TRMT11: variants seen among roughly 807,000 people sequenced by gnomAD.
TRMT11 encodes tRNA (guanine(10)-N(2))-methyltransferase TRMT11.
A neutral mutation model predicts 62.8 loss-of-function variants in TRMT11; 53 were observed. The ratio of observed to expected loss-of-function variants is 0.84; its 90% CI spans 0.68 to 1.06. TRMT11 has a LOEUF of 1.06. TRMT11 is among the 50% of genes least tolerant of loss of function. The probability of loss-of-function intolerance (pLI) is 0.00; values close to 1 mark genes in which losing one functional copy is unlikely to be tolerated. For missense variants in TRMT11, 556 were observed against 553.4 expected (o/e 1.00, Z -0.05); for synonymous variants, 188 against 190.3 (o/e 0.99, Z 0.10).
chr6:126,008,898 A>C (rs1252618859), intron 8 of TRMT11, among the ~76,000 whole-genome samples: 2 of 151,942 alleles, frequency 1.3e-5, no homozygotes, highest in Non-Finnish European at 2.9e-5. Context: ...CTTCAAATAC[A>C]AAATTGTGAT....
the TRMT11 span, among the ~76,000 whole-genome samples, chr6:126,237,644 G>A: frequency 2.6e-5 from 4 of 152,122 alleles, no homozygotes; most frequent in East Asian, 7.7e-4. Flanking sequence ...TCATGGCACA[G>A]CACTCCAGCC....
intron 17 of TRMT11, among the ~76,000 whole-genome samples, chr6:126,054,679 A>G (rs1275544349): frequency 6.6e-6 from 1 of 152,266 alleles, no homozygotes; most frequent in East Asian, 1.9e-4. Flanking sequence ...CCGCTCCAAG[A>G]CAAATGAGCT....
chr6:126,254,796 C>T, the TRMT11 span, among the ~76,000 whole-genome samples: 1 of 152,064 alleles, frequency 6.6e-6, no homozygotes, highest in Admixed American at 6.6e-5. Flanking sequence ...ACTACCTAAA[C>T]CAATAAATCT....
intron 17 of TRMT11, among the ~76,000 whole-genome samples, chr6:126,097,540 A>G (rs141639209): frequency 6.6e-6 from 1 of 152,126 alleles, no homozygotes; most frequent in East Asian, 1.9e-4. Context: ...ACATGACACA[A>G]TTTTTATTTT....
intron 17 of TRMT11, among the ~76,000 whole-genome samples, chr6:126,092,652 A>G (rs1777289843): frequency 6.6e-6 from 1 of 151,218 alleles, no homozygotes; most frequent in African/African-American, 2.5e-5. Flanking sequence ...ATACAACCTG[A>G]GCTTTTTGTT....
the TRMT11 span, among the ~76,000 whole-genome samples, chr6:126,255,299 C>G: frequency 2.6e-5 from 4 of 152,166 alleles, no homozygotes; most frequent in Non-Finnish European, 5.9e-5. Context: ...CTCTTTAGCA[C>G]TTCGAATGGT....
chr6:126,253,049 C>T, the TRMT11 span, among the ~76,000 whole-genome samples: 30 of 151,566 alleles, frequency 2.0e-4, no homozygotes, highest in East Asian at 2.9e-3. Context: ...TTACACATAC[C>T]GTCAAATATC....
chr6:126,070,242 C>G (rs903353420), intron 17 of TRMT11, among the ~76,000 whole-genome samples: 3 of 152,140 alleles, frequency 2.0e-5, no homozygotes, highest in African/African-American at 7.2e-5. Context: ...GATCAAGAGA[C>G]GAGTTGGTTC....
At chr6:126,008,275 A>C in intron 7 of TRMT11, 117 bp from the exon 8 acceptor site, 1 of 871,792 alleles carries the variant, frequency 1.1e-6, no homozygotes, top group Non-Finnish European at 1.9e-6. Flanking sequence ...GTTACGACCA[A>C]TGTCATTCCA....
chr6:126,039,834 T>C (rs896574208), downstream of TRMT11, among the ~76,000 whole-genome samples: 7 of 152,096 alleles, frequency 4.6e-5, no homozygotes, highest in African/African-American at 1.7e-4. Flanking sequence ...GTGTTACTGC[T>C]GACTTTTATG....
intron 16 of TRMT11, among the ~76,000 whole-genome samples, chr6:126,048,661 G>C (rs117682943): frequency 0.023 from 3,528 of 152,250 alleles, 62 homozygotes; most frequent in Non-Finnish European, 0.035. Flanking sequence ...GTTATAGACA[G>C]GACACAAGTA....
chr6:126,151,852 T>TTCTTTCTTTC lies in TRMT11; in HGVS notation c.*1824-22971_*1824-22962dup, dbSNP rs1778052649. Among the ~76,000 whole-genome samples the TTCTTTCTTTC allele has an allele frequency of 2.8e-5, 4 of 144,552 alleles. 1 individual carries two copies. Among genetic ancestry groups the TTCTTTCTTTC allele is most frequent in the African/African-American group, 1.0e-4 (4 of 38,322 alleles). The allele number at this position is 144,552 out of a possible 152,430, so 94.8% of individuals were successfully genotyped here. A position where few individuals can be genotyped will look rare whatever the true frequency, so the allele number is the denominator to read the frequency against. ...TTTCTTTCTTTCTTTCTTTCTTTCT[T>TTCTTTCTTTC]TCTTTCTTTCTTTCCTTCTTTCTCC... On this transcript the variant is annotated intron_variant and NMD_transcript_variant, in intron 21 of 22. Transcript: ENST00000648977.
At chr6:126,166,102 G>T (rs1778259196) in intron 21 of TRMT11, among the ~76,000 whole-genome samples, 1 of 152,022 alleles carries the variant, frequency 6.6e-6, no homozygotes, top group Non-Finnish European at 1.5e-5. Flanking sequence ...TAAGCTTCAT[G>T]AAGTTCTTGT....
intron 12 of TRMT11, among the ~76,000 whole-genome samples, chr6:126,026,254 G>T (rs1379123666): frequency 6.6e-6 from 1 of 152,178 alleles, no homozygotes; most frequent in Non-Finnish European, 1.5e-5. Context: ...AAGTGGAAGA[G>T]TTGAGACCAA....
chr6:126,179,133 C>T lies in TRMT11; in HGVS notation n.143+1798C>T, dbSNP rs550204506. ...TCAGAGGTATACTATACCTCCCAAA[C>T]TTGGTCCTTTCTAGGGCTCTGCAGA... On this transcript the variant is annotated intron_variant and non_coding_transcript_variant, in intron 1 of 3. Transcript: ENST00000444229. Among the ~76,000 whole-genome samples, 520 of 152,268 alleles carry T rather than the reference C, an allele frequency of 3.4e-3. 2 individuals are homozygous for T. The highest frequency in any genetic ancestry group is 6.0e-3 in the Non-Finnish European group (409 of 68,012).
intron 12 of TRMT11, among the ~76,000 whole-genome samples, chr6:126,036,836 T>C (rs1007848776): frequency 5.3e-4 from 80 of 152,076 alleles, no homozygotes; most frequent in African/African-American, 1.8e-3. Flanking sequence ...GGTGGAACAT[T>C]GTTCTGTGTT....
Position 126,178,237 on chromosome 6 carries a change from A to G in TRMT11, n.143+902A>G, listed in dbSNP as rs184371173. Among the ~76,000 whole-genome samples, 8 of 152,298 alleles carry G rather than the reference A, an allele frequency of 5.3e-5. 1 individual carries two copies. Among genetic ancestry groups the G allele is most frequent in the Non-Finnish European group, 1.2e-4 (8 of 68,012 alleles). On this transcript the variant is annotated intron_variant and non_coding_transcript_variant, in intron 1 of 3. Coordinates refer to the TRMT11 transcript ENST00000444229. ...CCTTCAAGGAAAGAGTTGTTGCCCAAGATCACCTTCCCTTTTTGAGGTAGC... is the reference window on the plus strand; with the variant it reads ...CCTTCAAGGAAAGAGTTGTTGCCCAGGATCACCTTCCCTTTTTGAGGTAGC...
intron 1 of TRMT11, among the ~76,000 whole-genome samples, chr6:126,195,676 G>A (rs1778657488): frequency 6.6e-6 from 1 of 152,100 alleles, no homozygotes; most frequent in Non-Finnish European, 1.5e-5. Flanking sequence ...ACTTTGGAGG[G>A]AGAGGCTGAC....
intron 1 of TRMT11, among the ~76,000 whole-genome samples, chr6:126,195,345 T>C (rs952947136): frequency 6.6e-6 from 1 of 152,248 alleles, no homozygotes; most frequent in Non-Finnish European, 1.5e-5. Flanking sequence ...GCTTGTCTTA[T>C]GTTCACACAT....
Sources: allele counts gnomAD v4.1 joint callset (sites outside exome capture counted in the v4.1 genomes callset), GRCh38; gene constraint gnomAD v4.1.1; transcripts MANE v1.5; gene names NCBI Gene and HGNC (gene_info 2026-07-23, HGNC 2026-07-21).